EIPR1: variants seen among roughly 807,000 people sequenced by gnomAD.
EIPR1 encodes EARP and GARP complex-interacting protein 1.
A neutral mutation model predicts 48.1 loss-of-function variants in EIPR1; 25 were observed. The ratio of observed to expected loss-of-function variants is 0.52; its 90% confidence interval spans 0.38 to 0.73. EIPR1 has a LOEUF of 0.73. EIPR1 is among the 30% of genes least tolerant of loss of function. The pLI is 0.00. For missense variants in EIPR1, 415 were observed against 506.2 expected (o/e 0.82, Z 1.73); for synonymous variants, 204 against 201.9 (o/e 1.01, Z -0.09).
At chr2:3,373,969 C>T (rs62120461) in intron 1 of EIPR1, among the ~76,000 whole-genome samples, 19,391 of 143,444 alleles carry the variant, frequency 0.14, 1,366 homozygotes, top group Non-Finnish European at 0.18. Flanking sequence ...CGCTACCTGA[C>T]TTCAAACTAT....
In EIPR1 at chr2:3,306,192, G is replaced by A. The variant is rs189826366; in HGVS notation, c.259+31825C>T. ...TCATGCTAGCGGTGGCCTGGGTCCC[G>A]CCCCGCCCCTTCCCTTGGCTCCTCT... On this transcript the variant is annotated intron_variant, in intron 3 of 8. Coordinates refer to ENST00000382125, the MANE Select transcript of EIPR1 (RefSeq NM_003310.5). 5.6e-3 allele frequency among the ~76,000 whole-genome samples: 859 copies of A among 152,236 alleles called. 6 individuals carry two copies. The highest frequency in any genetic ancestry group is 0.019 in the African/African-American group (800 of 41,520).
At chr2:3,302,784 C>T (rs560589984) in intron 3 of EIPR1, among the ~76,000 whole-genome samples, 1 of 152,338 alleles carries the variant, frequency 6.6e-6, no homozygotes, top group South Asian at 2.1e-4. Flanking sequence ...ACGACAGGCT[C>T]CCAAAGGCCA....
chr2:3,195,909 G>A (rs1434100419), intron 6 of EIPR1, among the ~76,000 whole-genome samples: 11 of 152,172 alleles, frequency 7.2e-5, no homozygotes, highest in African/African-American at 2.4e-4. Context: ...GCATCTTTTT[G>A]TTTGCTTATT....
chr2:3,318,395 T>C (rs1669380652), intron 3 of EIPR1, among the ~76,000 whole-genome samples: 1 of 152,178 alleles, frequency 6.6e-6, no homozygotes, highest in Non-Finnish European at 1.5e-5. Flanking sequence ...AAGTCTTATT[T>C]CACATCTTCA....
intron 3 of EIPR1, among the ~76,000 whole-genome samples, chr2:3,265,879 AGAAT>A (rs1340604010): frequency 1.3e-5 from 2 of 152,286 alleles, no homozygotes; most frequent in Non-Finnish European, 2.9e-5. Flanking sequence ...GCTGATGTCC[AGAAT>A]GAATGGAGCC....
At chr2:3,252,365 C>A (rs369981946) in intron 4 of EIPR1, among the ~76,000 whole-genome samples, 3 of 152,176 alleles carry the variant, frequency 2.0e-5, no homozygotes, top group Admixed American at 6.5e-5. Flanking sequence ...CTGAGGTGGG[C>A]GGATCACCTG....
At chr2:3,322,666 A>G (rs1445518906) in intron 3 of EIPR1, among the ~76,000 whole-genome samples, 1 of 152,188 alleles carries the variant, frequency 6.6e-6, no homozygotes, top group African/African-American at 2.4e-5. Context: ...TCCCTCGCAC[A>G]CACATCTGCC....
intron 3 of EIPR1, among the ~76,000 whole-genome samples, chr2:3,263,501 A>G (rs1417779105): frequency 6.6e-6 from 1 of 152,180 alleles, no homozygotes; most frequent in Non-Finnish European, 1.5e-5. Flanking sequence ...ACCACTACAA[A>G]TAGCACATAA....
At position 3,286,934 on chromosome 2, in the gene EIPR1, G is replaced by A. The variant is rs964452786; in HGVS notation, c.260-29479C>T. ...CAGAGTGCCAGCCGGCAGAGGGGGC[G>A]GTGGGGAGCACACAGAGTGCCAGCC... On this transcript the variant is annotated intron_variant, in intron 3 of 8. Coordinates refer to ENST00000382125, the MANE Select transcript of EIPR1 (RefSeq NM_003310.5). The surrounding 1 kb of genome is among the most constrained non-coding windows in gnomAD (Gnocchi z 4.2). Among the ~76,000 whole-genome samples the A allele has an allele frequency of 1.3e-5, 2 of 149,542 alleles. No individual in the cohort carries two copies. Among genetic ancestry groups the A allele is most frequent in the Admixed American group, 6.6e-5 (1 of 15,070 alleles).
rs568427076 is a variant in EIPR1 at position 3,294,711 on chromosome 2, C to G, written c.260-37256G>C. 1.6e-3 allele frequency among the ~76,000 whole-genome samples: 216 copies of G among 137,080 alleles called. 3 individuals are homozygous for G. The highest frequency in any genetic ancestry group is 9.3e-3 in the South Asian group (36 of 3,882). The allele number at this position is 137,080 out of a possible 152,430, so 89.9% of individuals were successfully genotyped here. The stretch of plus-strand genomic sequence containing the variant: ...ACACACCCTCCATCCAGCCCATCCT[C>G]TCTACACACACCCTCCATCCAGCCA... On this transcript the variant is annotated intron_variant, in intron 3 of 8. Coordinates refer to ENST00000382125, the MANE Select transcript of EIPR1 (RefSeq NM_003310.5).
chr2:3,377,694 C>A lies in EIPR1; in HGVS notation c.-5G>T, dbSNP rs1183665998. On this transcript the variant is annotated 5_prime_UTR_variant, in exon 1 of 9. Transcript: ENST00000382125. ...CACTGGTGCATCGTCCTCCATGCTG[C>A]GGGGAAGCGACCCGACCCCGGCCAC... is the stretch of plus-strand genomic sequence containing the variant. 3 of 1,575,184 alleles carry A rather than the reference C, an allele frequency of 1.9e-6. No homozygotes were observed. The Admixed American group carries it at 5.4e-5, about 29-fold the overall frequency.
At position 3,286,152 on chromosome 2, in the gene EIPR1, C is replaced by A. The variant is rs1405381499; in HGVS notation, c.260-28697G>T. On this transcript the variant is annotated intron_variant, in intron 3 of 8. Coordinates refer to ENST00000382125, the MANE Select transcript of EIPR1 (RefSeq NM_003310.5). The surrounding 1 kb of genome is among the most constrained non-coding windows in gnomAD (Gnocchi z 4.2). ...AGCCCCCAGGCACATGGAGCAGACACAAGCCACACCTGCTATCCCTGCCTG... is the reference window on the plus strand; with the variant it reads ...AGCCCCCAGGCACATGGAGCAGACAAAAGCCACACCTGCTATCCCTGCCTG... Among the ~76,000 whole-genome samples, 1 of 152,214 alleles carries A rather than the reference C, an allele frequency of 6.6e-6. No homozygotes were observed. Among genetic ancestry groups the A allele is most frequent in the Non-Finnish European group, 1.5e-5 (1 of 68,038 alleles).
chr2:3,253,909 G>A (rs148244817), intron 4 of EIPR1, among the ~76,000 whole-genome samples: 50 of 152,236 alleles, frequency 3.3e-4, no homozygotes, highest in Admixed American at 1.8e-3. Flanking sequence ...TGCGGTGTGG[G>A]GCATGCCTCT....
At chr2:3,350,877 T>C (rs1369895415) in intron 2 of EIPR1, among the ~76,000 whole-genome samples, 1 of 150,758 alleles carries the variant, frequency 6.6e-6, no homozygotes, top group Non-Finnish European at 1.5e-5. Flanking sequence ...AACTCTTCAA[T>C]TTAGAAGAAA....
At chr2:3,349,679 C>CA (rs1397244218) in intron 2 of EIPR1, among the ~76,000 whole-genome samples, 1 of 150,506 alleles carries the variant, frequency 6.6e-6, no homozygotes, top group Non-Finnish European at 1.5e-5. Context: ...GAGATGGGGA[C>CA]AGGGAGGACG....
intron 2 of EIPR1, among the ~76,000 whole-genome samples, chr2:3,349,058 C>G (rs185656916): frequency 1.5e-3 from 231 of 152,328 alleles, no homozygotes; most frequent in African/African-American, 5.4e-3. Flanking sequence ...GGCAACAGCA[C>G]GGGTGCACCC....
At chr2:3,252,282 C>A (rs1015703587) in intron 4 of EIPR1, among the ~76,000 whole-genome samples, 1 of 152,072 alleles carries the variant, frequency 6.6e-6, no homozygotes, top group Admixed American at 6.6e-5. Flanking sequence ...GCAGCGGCAA[C>A]TCCTACGAAG....
At position 3,189,641 on chromosome 2, in the gene EIPR1, T is replaced by C. The variant is rs1664533230; in HGVS notation, c.990-133A>G. 2 of 859,524 alleles carry C rather than the reference T, an allele frequency of 2.3e-6. No individual in the cohort carries two copies. The highest frequency in any genetic ancestry group is 6.4e-5 in the Admixed American group (2 of 31,378). 53.2% of individuals were successfully genotyped at this position (859,524 alleles called of 1,614,324 possible). A position where few individuals can be genotyped will look rare whatever the true frequency, so the allele number is the denominator to read the frequency against. On this transcript the variant is annotated intron_variant, in intron 8 of 8. Coordinates refer to ENST00000382125, the MANE Select transcript of EIPR1 (RefSeq NM_003310.5). The surrounding 1 kb of genome is among the most constrained non-coding windows in gnomAD (Gnocchi z 4.6). Reference sequence around the variant, plus strand: ...GGCCTCAGCTTTCTCCGCTGTGGGATGGGAAGAATTAGAGGAGCCCACACC... The same window carrying C: ...GGCCTCAGCTTTCTCCGCTGTGGGACGGGAAGAATTAGAGGAGCCCACACC...
At chr2:3,336,779 G>GAAAAT (rs1231146779) in intron 3 of EIPR1, among the ~76,000 whole-genome samples, 6 of 148,198 alleles carry the variant, frequency 4.0e-5, no homozygotes, top group Non-Finnish European at 7.5e-5. Flanking sequence ...AAAAGAAAAG[G>GAAAAT]AAAAGAAAAG....
Sources: gnomAD v4.1 joint callset for allele counts (sites outside exome capture counted in the v4.1 genomes callset) on GRCh38, gnomAD v4.1.1 for gene constraint, Gnocchi (gnomAD v3.1) non-coding constraint, MANE v1.5 for transcripts, NCBI Gene and HGNC (gene_info 2026-07-23, HGNC 2026-07-21) for gene names.